Variants in MAPK10 observed in about 807,000 individuals in gnomAD.
The protein encoded by MAPK10 is mitogen-activated protein kinase 10, also known as JNK3 alpha protein kinase.
A neutral mutation model predicts 59.3 loss-of-function variants in MAPK10; 25 were observed. The ratio of observed to expected loss-of-function variants is 0.42; its 90% CI spans 0.31 to 0.59. The LOEUF is 0.59. MAPK10 is among the 20% of genes least tolerant of loss of function. The probability of loss-of-function intolerance (pLI) is 0.15; values close to 1 mark genes in which losing one functional copy is unlikely to be tolerated. For missense variants in MAPK10, 351 were observed against 568.9 expected (o/e 0.62, Z 3.90); for synonymous variants, 190 against 200.5 (o/e 0.95, Z 0.44).
chr4:86,214,310 C>G (rs1306097296), intron 2 of MAPK10, among the ~76,000 whole-genome samples: 1 of 151,900 alleles, frequency 6.6e-6, no homozygotes. Context: ...AGATATTCCT[C>G]TAACATCAGG....
intron 1 of MAPK10, among the ~76,000 whole-genome samples, chr4:86,538,320 G>T (rs1251844902): frequency 6.6e-6 from 1 of 151,950 alleles, no homozygotes; most frequent in Non-Finnish European, 1.5e-5. Flanking sequence ...CTAATTTTGT[G>T]TTTTTAGTAG....
At chr4:86,462,158 C>A (rs1751804781) in intron 1 of MAPK10, among the ~76,000 whole-genome samples, 1 of 152,194 alleles carries the variant, frequency 6.6e-6, no homozygotes, top group South Asian at 2.1e-4. Flanking sequence ...GCCTAGGGAA[C>A]CCCCACAAAA....
intron 4 of MAPK10, among the ~76,000 whole-genome samples, chr4:86,146,524 G>T (rs2065043850): frequency 6.6e-6 from 1 of 152,120 alleles, no homozygotes; most frequent in Non-Finnish European, 1.5e-5. Flanking sequence ...GTGCAGTTAG[G>T]TTATAGCCAT....
chr4:86,038,454 A>G (rs1317383633), intron 11 of MAPK10, among the ~76,000 whole-genome samples: 4 of 152,226 alleles, frequency 2.6e-5, no homozygotes, highest in African/African-American at 7.2e-5. Flanking sequence ...CAAGAAGGGT[A>G]TATCTTAGTA....
At chr4:86,448,407 T>C (rs1750305156) in intron 1 of MAPK10, among the ~76,000 whole-genome samples, 2 of 152,050 alleles carry the variant, frequency 1.3e-5, no homozygotes, top group South Asian at 2.1e-4. Flanking sequence ...CTGGGTTTTT[T>C]TTTTTATCTT....
At chr4:86,538,465 C>T (rs1331809475) in intron 1 of MAPK10, among the ~76,000 whole-genome samples, 1 of 152,152 alleles carries the variant, frequency 6.6e-6, no homozygotes, top group African/African-American at 2.4e-5. Context: ...TGCGCCCGGT[C>T]CAATAAATCT....
chr4:86,538,650 G>A (rs1758439916), intron 1 of MAPK10, among the ~76,000 whole-genome samples: 1 of 152,138 alleles, frequency 6.6e-6, no homozygotes, highest in South Asian at 2.1e-4. Flanking sequence ...TTGGAGAGTA[G>A]AGCTGTCCTT....
At chr4:86,140,273 G>C (rs879501308) in intron 4 of MAPK10, among the ~76,000 whole-genome samples, 367 of 133,694 alleles carry the variant, frequency 2.7e-3, no homozygotes, top group Admixed American at 4.6e-3. Flanking sequence ...GCAAAGACTT[G>C]GAACCAACCC....
At chr4:86,350,707 T>A (rs10856859) in intron 2 of MAPK10, among the ~76,000 whole-genome samples, 65 of 152,070 alleles carry the variant, frequency 4.3e-4, no homozygotes, top group Non-Finnish European at 1.2e-4. Context: ...CAGAGTATAT[T>A]GAAAATTCTT....
intron 2 of MAPK10, among the ~76,000 whole-genome samples, chr4:86,288,248 T>C (rs903957287): frequency 2.0e-5 from 3 of 151,940 alleles, no homozygotes; most frequent in Non-Finnish European, 4.4e-5. Context: ...TATGTATACA[T>C]GTGCCATGCT....
intron 2 of MAPK10, among the ~76,000 whole-genome samples, chr4:86,207,822 G>A (rs2084558659): frequency 6.6e-6 from 1 of 152,130 alleles, no homozygotes; most frequent in Non-Finnish European, 1.5e-5. Flanking sequence ...GTGAATGGGA[G>A]TTCACTCATG....
At chr4:86,497,241 T>C (rs1362239587) in intron 1 of MAPK10, among the ~76,000 whole-genome samples, 1 of 152,222 alleles carries the variant, frequency 6.6e-6, no homozygotes, top group African/African-American at 2.4e-5. Flanking sequence ...TCACTTCCCC[T>C]ATGAACAATC....
intron 4 of MAPK10, among the ~76,000 whole-genome samples, chr4:86,130,020 C>G (rs1014702751): frequency 2.0e-4 from 31 of 152,188 alleles, no homozygotes; most frequent in African/African-American, 6.5e-4. Context: ...ATGACTGCTG[C>G]ATATGTGAAA....
chr4:86,526,027 TTTC>T (rs1408771324), intron 1 of MAPK10, among the ~76,000 whole-genome samples: 1 of 152,204 alleles, frequency 6.6e-6, no homozygotes, highest in Non-Finnish European at 1.5e-5. Context: ...GCCCTGCAGC[TTTC>T]TTTTTTCATG....
chr4:86,195,919 T>C (rs980566773), intron 2 of MAPK10, among the ~76,000 whole-genome samples: 8 of 152,254 alleles, frequency 5.3e-5, no homozygotes, highest in Admixed American at 3.9e-4. Context: ...TACGGATGCA[T>C]AGTATTGCAT....
chr4:86,404,147 G>A (rs543745447), intron 1 of MAPK10, among the ~76,000 whole-genome samples: 2 of 152,070 alleles, frequency 1.3e-5, no homozygotes, highest in Admixed American at 1.3e-4. Flanking sequence ...TGTCTCTCTT[G>A]AATTCCTAGT....
chr4:86,218,264 C>T (rs1432597089), intron 2 of MAPK10, among the ~76,000 whole-genome samples: 2 of 151,462 alleles, frequency 1.3e-5, no homozygotes, highest in African/African-American at 2.4e-5. Flanking sequence ...AGTGCAGTGG[C>T]GCCATCTCAG....
At chr4:86,135,231 C>T (rs2061754458) in intron 4 of MAPK10, among the ~76,000 whole-genome samples, 1 of 152,204 alleles carries the variant, frequency 6.6e-6, no homozygotes, top group African/African-American at 2.4e-5. Context: ...CCTCTGGGGG[C>T]AGGGCACAGA....
chr4:86,107,371 A>C lies in MAPK10; in HGVS notation c.237-19T>G, dbSNP rs1359153207. On this transcript the variant is annotated intron_variant, in intron 4 of 13. Coordinates refer to ENST00000641462, the MANE Select transcript of MAPK10 (RefSeq NM_138982.4). ...CGCGGCACTGTAGAGATCCAAGAGC[A>C]ACTCAGAATTAAGAACAAAAGATTC... The C allele has an allele frequency of 3.1e-6, 5 of 1,597,482 alleles. No individual in the cohort carries two copies. The highest frequency in any genetic ancestry group is 4.3e-6 in the Non-Finnish European group (5 of 1,175,030).
Sources: allele counts gnomAD v4.1 joint callset (sites outside exome capture counted in the v4.1 genomes callset), GRCh38; gene constraint gnomAD v4.1.1; transcripts MANE v1.5; gene names NCBI Gene and HGNC (gene_info 2026-07-23, HGNC 2026-07-21).